Variants in SEMA6D observed in about 807,000 individuals in gnomAD.
The protein encoded by SEMA6D is semaphorin 6D.
Under a neutral mutation model 106.6 loss-of-function variants are expected in SEMA6D, and 35 were observed. The observed-to-expected ratio is 0.33, with a 90% CI of 0.25 to 0.44. The LOEUF is 0.44. SEMA6D is among the 20% of genes least tolerant of loss of function. The probability of loss-of-function intolerance (pLI) is 1.00; values close to 1 mark genes in which losing one functional copy is unlikely to be tolerated. For missense variants in SEMA6D, 1,185 were observed against 1,345.9 expected (o/e 0.88, Z 1.87); for synonymous variants, 499 against 487.7 (o/e 1.02, Z -0.31).
intron 3 of SEMA6D, among the ~76,000 whole-genome samples, chr15:47,528,829 G>T (rs1451147551): frequency 3.9e-5 from 6 of 152,144 alleles, no homozygotes; most frequent in Admixed American, 3.9e-4. Flanking sequence ...GGGGTAAGGG[G>T]CACCAACCCC....
At chr15:47,521,713 C>T (rs1227043043) in intron 3 of SEMA6D, among the ~76,000 whole-genome samples, 4 of 152,116 alleles carry the variant, frequency 2.6e-5, no homozygotes, top group Non-Finnish European at 5.9e-5. Context: ...CGGCTGGGCA[C>T]GGTGGCTCAC....
Position 47,704,032 on chromosome 15 carries a change from CATATGCGCTCAT to C in SEMA6D, c.-54-55706_-54-55695del, listed in dbSNP as rs758084263. 4.6e-5 allele frequency among the ~76,000 whole-genome samples: 7 copies of C among 152,324 alleles called. No homozygotes were observed. In the East Asian group the frequency reaches 5.8e-4, roughly 13 times the overall value. On this transcript the variant is annotated intron_variant, in intron 4 of 19. Coordinates refer to the SEMA6D transcript ENST00000558014. ...ATATAGCTTTACAGAGACACACATA[CATATGCGCTCAT>C]ATATGCAGTCCTCATTTTGCTTTTG...
chr15:47,643,588 A>G (rs1435742), intron 4 of SEMA6D, among the ~76,000 whole-genome samples: 70,542 of 152,044 alleles, frequency 0.46, 16,515 homozygotes, highest in African/African-American at 0.51. Context: ...AAGGAATGTT[A>G]ACCCTAGACA....
At chr15:47,733,013 C>G (rs2080224047) in intron 1 of SEMA6D, among the ~76,000 whole-genome samples, 1 of 152,200 alleles carries the variant, frequency 6.6e-6, no homozygotes, top group Non-Finnish European at 1.5e-5. Flanking sequence ...GACACAGATG[C>G]TAACTCGATT....
intron 4 of SEMA6D, among the ~76,000 whole-genome samples, chr15:47,647,353 G>A (rs549783721): frequency 2.8e-4 from 43 of 152,284 alleles, no homozygotes; most frequent in Admixed American, 2.6e-3. Context: ...TGCTATTGAA[G>A]CTCACTTTGA....
intron 6 of SEMA6D, 82 bp downstream of exon 6, chr15:47,761,513 G>A: frequency 7.6e-7 from 1 of 1,318,716 alleles, no homozygotes; most frequent in Non-Finnish European, 1.1e-6. Context: ...AAATCTTTCT[G>A]CTTTCCAGTA....
chr15:47,258,163 C>G (rs2033902723), intron 1 of SEMA6D, among the ~76,000 whole-genome samples: 1 of 152,076 alleles, frequency 6.6e-6, no homozygotes. Context: ...AATATCAGAG[C>G]TTTCTTTGTT....
At chr15:47,530,634 C>G (rs1471515616) in intron 3 of SEMA6D, among the ~76,000 whole-genome samples, 2 of 152,124 alleles carry the variant, frequency 1.3e-5, no homozygotes, top group Non-Finnish European at 2.9e-5. Flanking sequence ...AGGGCATTGC[C>G]AGAAGTCAGA....
intron 1 of SEMA6D, among the ~76,000 whole-genome samples, chr15:47,364,886 A>G (rs2038955797): frequency 6.6e-6 from 1 of 152,204 alleles, no homozygotes; most frequent in South Asian, 2.1e-4. Context: ...CTGGCTGCAC[A>G]GTAGGAGTAT....
chr15:47,363,788 A>G (rs1028986383), intron 1 of SEMA6D, among the ~76,000 whole-genome samples: 1 of 152,204 alleles, frequency 6.6e-6, no homozygotes, highest in Non-Finnish European at 1.5e-5. Context: ...TAATTTATAC[A>G]GGAAAGAGGT....
chr15:47,388,095 C>G (rs2039901678), intron 1 of SEMA6D, among the ~76,000 whole-genome samples: 1 of 152,094 alleles, frequency 6.6e-6, no homozygotes, highest in Non-Finnish European at 1.5e-5. Flanking sequence ...GGAGCTCTTT[C>G]AGGCACCATT....
chr15:47,742,277 T>G (rs2080866925), intron 1 of SEMA6D, among the ~76,000 whole-genome samples: 1 of 146,052 alleles, frequency 6.8e-6, no homozygotes, highest in African/African-American at 2.6e-5. Context: ...TACTCACATT[T>G]TCTCACTTGT....
chr15:47,298,264 T>C (rs1168930235), intron 1 of SEMA6D, among the ~76,000 whole-genome samples: 1 of 151,888 alleles, frequency 6.6e-6, no homozygotes, highest in Admixed American at 6.6e-5. Flanking sequence ...AGCTCCCAGG[T>C]GTGGTTGTCA....
chr15:47,268,235 C>A (rs1266740346), intron 1 of SEMA6D, among the ~76,000 whole-genome samples: 9 of 152,142 alleles, frequency 5.9e-5, no homozygotes, highest in Admixed American at 3.3e-4. Flanking sequence ...TGAGATATGG[C>A]CTAGGCATGA....
rs778673867 is a variant in SEMA6D, at chr15:47,771,502, A to T, written c.2939A>T (p.Asn980Ile). 2 of 1,614,042 alleles carry T rather than the reference A, an allele frequency of 1.2e-6. No individual in the cohort carries two copies. Among genetic ancestry groups the T allele is most frequent in the Admixed American group, 3.3e-5 (2 of 60,014 alleles). ...CACTCTATATCTGCTATGCCTAAAA[A>T]CTTAAACTCACCAAATGGTGTTTTG... is the stretch of plus-strand genomic sequence containing the variant. ...QRHSISAMPK[N>I]LNSPNGVLLS... The change falls in exon 19 of 19, where the codon AAC becomes ATC. Residue 980 changes from asparagine (N) to isoleucine (I), a missense_variant. By Grantham distance (149) the Asn-to-Ile change is moderately radical (BLOSUM62 -3). This residue lies in a region of SEMA6D where 750 missense variants were observed against 783.5 expected (regional missense o/e 0.96). Coordinates refer to ENST00000536845, the MANE Select transcript of SEMA6D (RefSeq NM_001358351.3).
intron 3 of SEMA6D, among the ~76,000 whole-genome samples, chr15:47,541,051 G>C (rs925660049): frequency 6.6e-6 from 1 of 152,146 alleles, no homozygotes; most frequent in Non-Finnish European, 1.5e-5. Flanking sequence ...TTAATGACAT[G>C]ATCAAATTTA....
chr15:47,474,649 GC>G (rs1309231227), intron 3 of SEMA6D, among the ~76,000 whole-genome samples: 2 of 152,174 alleles, frequency 1.3e-5, no homozygotes, highest in Non-Finnish European at 2.9e-5. Flanking sequence ...TACGCAAGTT[GC>G]TACATGCAAA....
chr15:47,317,772 C>T (rs2143486732), intron 1 of SEMA6D, among the ~76,000 whole-genome samples: 1 of 152,160 alleles, frequency 6.6e-6, no homozygotes, highest in Non-Finnish European at 1.5e-5. Flanking sequence ...TCTCTGGCTA[C>T]TTTCAAAATT....
chr15:47,753,962 G>A (rs905915528), intron 1 of SEMA6D, among the ~76,000 whole-genome samples: 2 of 152,176 alleles, frequency 1.3e-5, no homozygotes, highest in Non-Finnish European at 2.9e-5. Flanking sequence ...TTGGGCTAGC[G>A]ATAAAGTAGG....
Sources: gnomAD v4.1 joint callset for allele counts (sites outside exome capture counted in the v4.1 genomes callset) on GRCh38, gnomAD v4.1.1 for gene constraint, gnomAD v4.1.1 regional missense constraint, MANE v1.5 for transcripts, NCBI Gene and HGNC (gene_info 2026-07-23, HGNC 2026-07-21) for gene names.